Variants in GALNT12 observed in about 807,000 individuals in gnomAD.
GALNT12 encodes the protein polypeptide N-acetylgalactosaminyltransferase 12.
A neutral mutation model predicts 55.5 loss-of-function variants in GALNT12; 45 were observed. The observed-to-expected ratio is 0.81, with a 90% CI of 0.64 to 1.04. GALNT12 has a LOEUF of 1.04. Among genes scored for constraint, GALNT12 ranks in the 50% least tolerant of loss-of-function variants. GALNT12 has a pLI of 0.00. For synonymous variants in GALNT12, 304 were observed against 312.2 expected (o/e 0.97, Z 0.28); for missense variants, 709 against 754.8 (o/e 0.94, Z 0.71).
intron 1 of GALNT12, among the ~76,000 whole-genome samples, chr9:98,813,560 C>G (rs1835542829): frequency 6.6e-6 from 1 of 151,114 alleles, no homozygotes; most frequent in South Asian, 2.1e-4. Context: ...TGCAATGGTG[C>G]GATCTCAGCT....
intron 6 of GALNT12, among the ~76,000 whole-genome samples, chr9:98,837,513 C>T (rs1174028079): frequency 6.6e-6 from 1 of 152,178 alleles, no homozygotes; most frequent in African/African-American, 2.4e-5. Flanking sequence ...TAACATATAT[C>T]GTTGCATCAT....
At chr9:98,848,892 T>A (rs769494223) in intron 9 of GALNT12, 60 bp from the exon 10 acceptor site, 3 of 1,597,898 alleles carry the variant, frequency 1.9e-6, no homozygotes, top group Non-Finnish European at 2.6e-6. Flanking sequence ...CTTTAAAACA[T>A]GTCTTTAGGA....
chr9:98,811,625 G>A (rs989769727), intron 1 of GALNT12, among the ~76,000 whole-genome samples: 1 of 151,412 alleles, frequency 6.6e-6, no homozygotes, highest in African/African-American at 2.4e-5. Context: ...GCAGATGTGT[G>A]TCTGAGTTCA....
chr9:98,819,221 T>C (rs1309791127), intron 1 of GALNT12, among the ~76,000 whole-genome samples: 2 of 152,234 alleles, frequency 1.3e-5, no homozygotes, highest in Non-Finnish European at 2.9e-5. Flanking sequence ...CACAAATTCT[T>C]TGATAGCCTC....
chr9:98,832,065 A>G, intron 4 of GALNT12, 108 bp downstream of exon 4: 2 of 916,944 alleles, frequency 2.2e-6, no homozygotes, highest in Non-Finnish European at 1.7e-6. Flanking sequence ...CAGCTTAACT[A>G]CCTCCCCTCT....
intron 1 of GALNT12, among the ~76,000 whole-genome samples, chr9:98,813,411 A>G (rs955684189): frequency 1.3e-5 from 2 of 152,130 alleles, no homozygotes; most frequent in African/African-American, 4.8e-5. Flanking sequence ...ATGTCTGGTA[A>G]TTATGTTATC....
At chr9:98,823,048 C>G (rs1325347087) in intron 1 of GALNT12, among the ~76,000 whole-genome samples, 4 of 152,140 alleles carry the variant, frequency 2.6e-5, no homozygotes, top group South Asian at 4.2e-4. Flanking sequence ...AAACAATATC[C>G]CACAGTAAAA....
chr9:98,812,055 G>A (rs750312748), intron 1 of GALNT12, among the ~76,000 whole-genome samples: 2 of 152,156 alleles, frequency 1.3e-5, no homozygotes, highest in African/African-American at 4.8e-5. Context: ...TAGGACATTA[G>A]ACTGATGTTT....
intron 1 of GALNT12, among the ~76,000 whole-genome samples, chr9:98,816,743 C>A (rs1038746007): frequency 6.6e-6 from 1 of 151,424 alleles, no homozygotes; most frequent in Admixed American, 6.6e-5. Context: ...CCCCGCCTCC[C>A]TGACTCAAAC....
intron 1 of GALNT12, among the ~76,000 whole-genome samples, chr9:98,814,578 C>T (rs544679360): frequency 1.4e-4 from 22 of 151,744 alleles, no homozygotes; most frequent in East Asian, 5.8e-4. Flanking sequence ...GGCATGGTGG[C>T]GGACACCTGT....
chr9:98,826,618 G>A, intron 2 of GALNT12, 134 bp from the exon 3 acceptor site: 1 of 888,514 alleles, frequency 1.1e-6, no homozygotes, highest in Non-Finnish European at 1.8e-6. Context: ...GATGTCCCAG[G>A]TGGCAGAGCA....
At chr9:98,810,336 G>T (rs1448989019) in intron 1 of GALNT12, among the ~76,000 whole-genome samples, 2 of 152,270 alleles carry the variant, frequency 1.3e-5, no homozygotes, top group South Asian at 2.1e-4. Context: ...AGGTCACATA[G>T]CACATCTCAG....
chr9:98,816,651 C>CT (rs374259532), intron 1 of GALNT12, among the ~76,000 whole-genome samples: 4,907 of 138,598 alleles, frequency 0.035, 151 homozygotes, highest in African/African-American at 0.074. Flanking sequence ...AAGCAATTAA[C>CT]TTTTTTTTTT....
intron 3 of GALNT12, among the ~76,000 whole-genome samples, chr9:98,827,912 TC>T (rs952135141): frequency 4.6e-5 from 7 of 151,930 alleles, no homozygotes; most frequent in African/African-American, 1.7e-4. Context: ...CCTCCTACCT[TC>T]CCCCCTCAAG....
Position 98,807,941 on chromosome 9 carries a change from G to A in GALNT12, c.243G>A (p.Ala81=), listed in dbSNP as rs1170698193. ...PANALGARGE[A]VRLQLQGEEL... ...ACGCGCTGGGCGCGCGGGGCGAGGC[G>A]GTGCGGCTGCAGCTGCAGGGCGAGG... is the stretch of plus-strand genomic sequence containing the variant. Residue 81 remains alanine, a synonymous_variant, in exon 1 of 10, where the codon GCG becomes GCA. Transcript: ENST00000375011. 2.2e-6 allele frequency: 3 copies of A among 1,370,844 alleles called. No homozygotes were observed. Among genetic ancestry groups the A allele is most frequent in the Non-Finnish European group, 2.9e-6 (3 of 1,051,334 alleles). 84.9% of individuals were successfully genotyped at this position (1,370,844 alleles called of 1,614,324 possible). A position where few individuals can be genotyped will look rare whatever the true frequency, so the allele number is the denominator to read the frequency against.
chr9:98,810,990 G>T (rs1049949365), intron 1 of GALNT12, among the ~76,000 whole-genome samples: 5 of 152,122 alleles, frequency 3.3e-5, no homozygotes, highest in Non-Finnish European at 7.4e-5. Flanking sequence ...AGATGATAGC[G>T]GGTCAAAGTG....
At position 98,807,711 on chromosome 9, in the gene GALNT12, A is replaced by ACGGCGCGGCGGCGCTGCCCGCGGGAACTG. The variant is rs1355510080; in HGVS notation, c.23_51dup (p.Arg18GlyfsTer135). On this transcript the variant is annotated frameshift_variant, in exon 1 of 10. Transcript: ENST00000375011. LOFTEE classifies it high-confidence loss of function. ...AGTTGGCGGGCGCATGTGGGGGCGC[A>ACGGCGCGGCGGCGCTGCCCGCGGGAACTG]CGGCGCGGCGGCGCTGCCCGCGGGA... 3.5e-6 allele frequency: 4 copies of ACGGCGCGGCGGCGCTGCCCGCGGGAACTG among 1,157,650 alleles called. No homozygotes were observed. The highest frequency in any genetic ancestry group is 4.2e-6 in the Non-Finnish European group (4 of 941,398). 71.7% of individuals were successfully genotyped at this position (1,157,650 alleles called of 1,614,324 possible).
intron 1 of GALNT12, among the ~76,000 whole-genome samples, chr9:98,820,993 G>T (rs766829307): frequency 2.0e-5 from 3 of 152,188 alleles, no homozygotes; most frequent in African/African-American, 4.8e-5. Context: ...GGATGCTACA[G>T]TATGCTGGAT....
chr9:98,823,326 G>T lies in GALNT12; in HGVS notation c.442G>T (p.Ala148Ser), dbSNP rs751656135. Residue 148 changes from alanine to serine, a missense_variant, in exon 2 of 10, where the codon GCC becomes TCC. By Grantham distance (99) the Ala-to-Ser change is moderately conservative (BLOSUM62 1). This residue lies in a region of GALNT12 where 315 missense variants were observed against 288.6 expected (regional missense o/e 1.09). Transcript: ENST00000375011. ...TSVIIAFYNE[A>S]WSTLLRTVYS... The stretch of plus-strand genomic sequence containing the variant: ...TGTTATCATAGCATTTTATAATGAA[G>T]CCTGGTCAACTCTCCTTCGGACAGT... 2.0e-5 allele frequency: 33 copies of T among 1,613,802 alleles called. No individual in the cohort carries two copies. The highest frequency in any genetic ancestry group is 2.4e-5 in the Non-Finnish European group (28 of 1,179,772).
Sources: gnomAD v4.1 joint callset for allele counts (sites outside exome capture counted in the v4.1 genomes callset) on GRCh38, gnomAD v4.1.1 for gene constraint, gnomAD v4.1.1 regional missense constraint, MANE v1.5 for transcripts, NCBI Gene and HGNC (gene_info 2026-07-23, HGNC 2026-07-21) for gene names.